PRDM16: variants seen among roughly 807,000 people sequenced by gnomAD.
PRDM16 encodes the protein histone-lysine N-methyltransferase PRDM16.
Under a neutral mutation model 110.6 loss-of-function variants are expected in PRDM16, and 23 were observed. The ratio of observed to expected loss-of-function variants is 0.21; its 90% CI spans 0.15 to 0.29. The LOEUF (loss-of-function observed/expected upper bound fraction) is 0.29, where lower values mean the gene tolerates loss of function less well. PRDM16 is among the 10% of genes least tolerant of loss of function. The pLI, the probability that PRDM16 is intolerant of heterozygous loss-of-function variation, is 1.00. For missense variants in PRDM16, 1,615 were observed against 1,794.3 expected, an observed-to-expected ratio of 0.90 and a Z score of 1.81; for synonymous variants, 799 against 781.8, an observed-to-expected ratio of 1.02 and a Z score of -0.37.
intron 4 of PRDM16, chr1:3,394,368 C>CG (rs1557650399): frequency 2.8e-5 from 11 of 387,608 alleles, no homozygotes; most frequent in African/African-American, 1.4e-4. Context: ...GGAGGGCCGC[C>CG]CAGCCCCCGT....
chr1:3,162,635 C>T (rs548096762), intron 1 of PRDM16, among the ~76,000 whole-genome samples: 62 of 152,332 alleles, frequency 4.1e-4, no homozygotes, highest in African/African-American at 1.4e-3. Context: ...TTGACAGCGG[C>T]GAGCCCGTGC....
intron 3 of PRDM16, among the ~76,000 whole-genome samples, chr1:3,302,054 C>G (rs1557592335): frequency 6.6e-6 from 1 of 152,000 alleles, no homozygotes; most frequent in East Asian, 2.0e-4. Flanking sequence ...CAGTTCTCTT[C>G]TATGCAGTTG....
At chr1:3,070,757 C>T (rs1482749861) in intron 1 of PRDM16, among the ~76,000 whole-genome samples, 2 of 152,162 alleles carry the variant, frequency 1.3e-5, no homozygotes, top group Non-Finnish European at 2.9e-5. Context: ...CTCGTCCCAA[C>T]AGCTGCCCCG....
At chr1:3,423,509 A>AC (rs1424037868) in intron 12 of PRDM16, among the ~76,000 whole-genome samples, 1 of 152,110 alleles carries the variant, frequency 6.6e-6, no homozygotes, top group African/African-American at 2.4e-5. Context: ...AGGCCGAGCC[A>AC]CACAGCCCCT....
chr1:3,345,863 T>C (rs1473774734), intron 3 of PRDM16, among the ~76,000 whole-genome samples: 1 of 151,508 alleles, frequency 6.6e-6, no homozygotes, highest in South Asian at 2.1e-4. Context: ...CCGAGGGTTT[T>C]TCTTGGCAGC....
intron 3 of PRDM16, among the ~76,000 whole-genome samples, chr1:3,283,034 C>T (rs1462722366): frequency 6.6e-6 from 1 of 152,210 alleles, no homozygotes; most frequent in Non-Finnish European, 1.5e-5. Flanking sequence ...GTGAGACAGG[C>T]GAGGCTGTGA....
intron 1 of PRDM16, among the ~76,000 whole-genome samples, chr1:3,117,149 C>T (rs535690351): frequency 3.5e-4 from 53 of 152,350 alleles, no homozygotes; most frequent in Non-Finnish European, 5.0e-4. Flanking sequence ...CCGGCTGTTT[C>T]GGCTCCCATC....
At chr1:3,103,881 TATGTTTTTTAAA>T (rs1353313910) in intron 1 of PRDM16, among the ~76,000 whole-genome samples, 1 of 152,216 alleles carries the variant, frequency 6.6e-6, no homozygotes. Context: ...ATCAATTCTG[TATGTTTTTTAAA>T]AAATAAAGAA....
At chr1:3,182,573 T>C (rs1644223927) in intron 1 of PRDM16, among the ~76,000 whole-genome samples, 2 of 152,118 alleles carry the variant, frequency 1.3e-5, no homozygotes, top group Non-Finnish European at 2.9e-5. Flanking sequence ...AGGCTCCCAC[T>C]GTAAGGCTGA....
chr1:3,158,298 A>T (rs2100735469), intron 1 of PRDM16, among the ~76,000 whole-genome samples: 1 of 152,218 alleles, frequency 6.6e-6, no homozygotes, highest in East Asian at 1.9e-4. Context: ...TTGCTTTCCC[A>T]AAAGGGAAGC....
intron 3 of PRDM16, among the ~76,000 whole-genome samples, chr1:3,361,144 C>T (rs1039757815): frequency 3.3e-5 from 5 of 152,346 alleles, no homozygotes; most frequent in African/African-American, 1.2e-4. Flanking sequence ...GGCTCTGGGG[C>T]GTGGACAGAG....
chr1:3,114,422 A>T (rs1642894347), intron 1 of PRDM16, among the ~76,000 whole-genome samples: 1 of 109,616 alleles, frequency 9.1e-6, no homozygotes, highest in African/African-American at 4.4e-5. Flanking sequence ...ACACACATGC[A>T]CACACCAGGT....
chr1:3,339,000 C>G (rs1642216894), intron 3 of PRDM16, among the ~76,000 whole-genome samples: 1 of 152,206 alleles, frequency 6.6e-6, no homozygotes, highest in African/African-American at 2.4e-5. Context: ...GGCACCCCAG[C>G]AGCTGCCATT....
intron 1 of PRDM16, among the ~76,000 whole-genome samples, chr1:3,180,974 T>C (rs1268482354): frequency 7.1e-6 from 1 of 141,404 alleles, no homozygotes; most frequent in Admixed American, 7.0e-5. Context: ...ACACTCGGTC[T>C]TACACACGCA....
At chr1:3,383,384 A>G (rs1307492241) in intron 3 of PRDM16, among the ~76,000 whole-genome samples, 3 of 152,152 alleles carry the variant, frequency 2.0e-5, no homozygotes, top group Admixed American at 2.0e-4. Flanking sequence ...CGGGAACCCC[A>G]GCTTGGTGGT....
intron 1 of PRDM16, among the ~76,000 whole-genome samples, chr1:3,179,288 T>G (rs1217809348): frequency 6.6e-6 from 1 of 152,240 alleles, no homozygotes; most frequent in Non-Finnish European, 1.5e-5. Flanking sequence ...AGAGCGCTTG[T>G]GCCCCAGGGC....
chr1:3,271,760 A>G (rs1640461701), intron 3 of PRDM16, among the ~76,000 whole-genome samples: 1 of 152,144 alleles, frequency 6.6e-6, no homozygotes, highest in African/African-American at 2.4e-5. Flanking sequence ...TGATCCTGGC[A>G]TCACCTTGGC....
chr1:3,404,942 G>A, intron 7 of PRDM16, 56 bp downstream of exon 7: 5 of 1,575,916 alleles, frequency 3.2e-6, no homozygotes, highest in East Asian at 2.2e-5. Context: ...CTGCAGACGG[G>A]CGCCCGCCCC....
At chr1:3,230,672 C>T (rs534773947) in intron 2 of PRDM16, among the ~76,000 whole-genome samples, 5 of 152,352 alleles carry the variant, frequency 3.3e-5, no homozygotes, top group South Asian at 2.1e-4. Context: ...AGCTCCGACG[C>T]GGCCCCGGTT....
Sources: allele counts gnomAD v4.1 joint callset (sites outside exome capture counted in the v4.1 genomes callset), GRCh38; gene constraint gnomAD v4.1.1; transcripts MANE v1.5; gene names NCBI Gene and HGNC (gene_info 2026-07-23, HGNC 2026-07-21).